The following GUCA1C variants were observed in gnomAD, a reference collection of about 807,000 sequenced individuals.
The protein encoded by GUCA1C is guanylyl cyclase-activating protein 3.
Under a neutral mutation model 16.2 loss-of-function variants are expected in GUCA1C, and 15 were observed. The ratio of observed to expected loss-of-function variants is 0.93; its 90% CI spans 0.62 to 1.43. The LOEUF is 1.43. Ranked by LOEUF, GUCA1C falls within the 40% of genes most tolerant of loss-of-function variation. GUCA1C has a pLI of 0.00. For missense variants in GUCA1C, 275 were observed against 244.8 expected, an observed-to-expected ratio of 1.12 and a Z score of -0.82; for synonymous variants, 78 against 85.4, an observed-to-expected ratio of 0.91 and a Z score of 0.48.
intron 3 of GUCA1C, among the ~76,000 whole-genome samples, chr3:108,912,840 T>G (rs1311956031): frequency 6.6e-6 from 1 of 152,118 alleles, no homozygotes; most frequent in Non-Finnish European, 1.5e-5. Flanking sequence ...TCACAGTTAT[T>G]TATAGAGCAC....
At chr3:108,910,413 G>A (rs1026405735) in intron 3 of GUCA1C, among the ~76,000 whole-genome samples, 3 of 151,408 alleles carry the variant, frequency 2.0e-5, no homozygotes, top group African/African-American at 4.9e-5. Flanking sequence ...CAGGAGATTC[G>A]CGTGAACCCG....
chr3:108,931,997 C>A (rs535414830), intron 1 of GUCA1C, among the ~76,000 whole-genome samples: 21 of 151,486 alleles, frequency 1.4e-4, no homozygotes, highest in African/African-American at 4.8e-4. Flanking sequence ...ACTACAGGCG[C>A]CCACCACCAC....
intron 1 of GUCA1C, among the ~76,000 whole-genome samples, chr3:108,946,658 G>A (rs1465915360): frequency 6.6e-6 from 1 of 152,034 alleles, no homozygotes; most frequent in African/African-American, 2.4e-5. Context: ...CCGGTTTATA[G>A]GTAATATGAA....
upstream of GUCA1C, among the ~76,000 whole-genome samples, chr3:108,954,230 G>T (rs561553186): frequency 6.6e-6 from 1 of 152,064 alleles, no homozygotes; most frequent in African/African-American, 2.4e-5. Flanking sequence ...AGTAATAAAA[G>T]TTTCTGCCTT....
intron 1 of GUCA1C, among the ~76,000 whole-genome samples, chr3:108,929,652 T>C (rs1313856153): frequency 6.6e-6 from 1 of 152,066 alleles, no homozygotes; most frequent in African/African-American, 2.4e-5. Context: ...TTACTTCTTA[T>C]GCCAAAGAAA....
intron 3 of GUCA1C, among the ~76,000 whole-genome samples, chr3:108,908,833 A>G (rs1946418509): frequency 6.6e-6 from 1 of 152,106 alleles, no homozygotes; most frequent in Non-Finnish European, 1.5e-5. Context: ...ATGTTTTTCT[A>G]CTACCTTCAC....
At chr3:108,926,782 T>A (rs1034803299) in intron 1 of GUCA1C, among the ~76,000 whole-genome samples, 13 of 135,238 alleles carry the variant, frequency 9.6e-5, no homozygotes, top group Non-Finnish European at 1.6e-4. Flanking sequence ...GCCCGGCCTG[T>A]TTTTTTTTTT....
intron 3 of GUCA1C, among the ~76,000 whole-genome samples, chr3:108,912,536 T>A (rs2107274068): frequency 6.6e-6 from 1 of 152,094 alleles, no homozygotes; most frequent in African/African-American, 2.4e-5. Flanking sequence ...CAATAATATG[T>A]CCTCATGATT....
intron 1 of GUCA1C, among the ~76,000 whole-genome samples, chr3:108,952,275 G>A (rs1453166786): frequency 6.6e-6 from 1 of 152,198 alleles, no homozygotes; most frequent in Non-Finnish European, 1.5e-5. Context: ...CATGCTTATA[G>A]TATCTGGAAC....
intron 1 of GUCA1C, among the ~76,000 whole-genome samples, chr3:108,937,659 A>G (rs1051074154): frequency 1.3e-5 from 2 of 152,250 alleles, no homozygotes; most frequent in African/African-American, 4.8e-5. Context: ...TGCTATCCAT[A>G]TAAGACCAGG....
chr3:108,942,188 T>C (rs906076341), intron 1 of GUCA1C, among the ~76,000 whole-genome samples: 15 of 152,326 alleles, frequency 9.8e-5, no homozygotes, highest in Admixed American at 2.0e-4. Context: ...ATAATATTGT[T>C]GTAAGGATTC....
Position 108,953,860 on chromosome 3 carries a change from T to C in GUCA1C, c.-98A>G. ...CTCACTAAAACTGAAGGCTAACATA[T>C]GCCCTCAGAAAGCTACTCTAAACCT... On this transcript the variant is annotated 5_prime_UTR_variant, in exon 1 of 4. Transcript: ENST00000261047. 3 of 780,982 alleles carry C rather than the reference T, an allele frequency of 3.8e-6. No homozygotes were observed. The highest frequency in any genetic ancestry group is 1.7e-5 in the African/African-American group (1 of 58,680). 48.4% of individuals were successfully genotyped at this position (780,982 alleles called of 1,614,324 possible).
intron 3 of GUCA1C, 137 bp downstream of exon 3, chr3:108,915,990 G>C: frequency 1.1e-6 from 1 of 877,566 alleles, no homozygotes; most frequent in South Asian, 1.8e-5. Flanking sequence ...GAGAACATTG[G>C]ATTGGTCCCA....
At chr3:108,950,011 T>C (rs985823099) in intron 1 of GUCA1C, among the ~76,000 whole-genome samples, 1 of 152,200 alleles carries the variant, frequency 6.6e-6, no homozygotes, top group Non-Finnish European at 1.5e-5. Flanking sequence ...TAAAACTTTG[T>C]ACCCTTTGAC....
chr3:108,921,673 T>G lies in GUCA1C; in HGVS notation c.205-1088A>C, dbSNP rs112946098. On this transcript the variant is annotated intron_variant, in intron 1 of 3. Coordinates refer to ENST00000261047, the MANE Select transcript of GUCA1C (RefSeq NM_005459.4). ...GTATCTCCTTGTTTTAACTTGCAAT[T>G]CCCTAATAATATATGATGTTGAACA... Among the ~76,000 whole-genome samples the G allele has an allele frequency of 1.0e-2, 1,521 of 152,296 alleles. 21 individuals are homozygous for G. Among genetic ancestry groups the G allele is most frequent in the African/African-American group, 0.032 (1,310 of 41,562 alleles).
chr3:108,939,324 C>CTTTTT lies in GUCA1C; in HGVS notation c.204+14230_204+14234dup, dbSNP rs549981150. Among the ~76,000 whole-genome samples, 92 of 32,912 alleles carry CTTTTT rather than the reference C, an allele frequency of 2.8e-3. 18 individuals are homozygous for CTTTTT. Among genetic ancestry groups the CTTTTT allele is most frequent in the African/African-American group, 6.3e-3 (56 of 8,944 alleles). The allele number at this position is 32,912 out of a possible 152,430, so 21.6% of individuals were successfully genotyped here. A position where few individuals can be genotyped will look rare whatever the true frequency, so the allele number is the denominator to read the frequency against. ...TGTTAATATATTACTTGCTTCAAGG[C>CTTTTT]TTTTTTTTTTTTTTTTTTTTTTTTT... On this transcript the variant is annotated intron_variant, in intron 1 of 3. Coordinates refer to ENST00000261047, the MANE Select transcript of GUCA1C (RefSeq NM_005459.4).
chr3:108,920,472 A>T lies in GUCA1C; in HGVS notation c.318T>A (p.Gly106=). 9 of 1,608,090 alleles carry T rather than the reference A, an allele frequency of 5.6e-6. No individual in the cohort carries two copies. Among genetic ancestry groups the T allele is most frequent in the Non-Finnish European group, 6.8e-6 (8 of 1,174,942 alleles). The part of the protein sequence containing the change: ...YFKLYDADGN[G]SIDKNELLDM... ...CCAGTAGTTCATTTTTGTCAATAGAACCATTTCCATCAGCATCATACAGCT... is the reference window on the plus strand; with the variant it reads ...CCAGTAGTTCATTTTTGTCAATAGATCCATTTCCATCAGCATCATACAGCT... The change falls in exon 2 of 4, where the codon GGT becomes GGA. Residue 106 remains glycine (G), a synonymous_variant. Coordinates refer to ENST00000261047, the MANE Select transcript of GUCA1C (RefSeq NM_005459.4).
upstream of GUCA1C, chr3:108,954,011 T>C (rs949056123): frequency 8.1e-6 from 4 of 491,072 alleles, no homozygotes; most frequent in African/African-American, 1.9e-5. Context: ...ACATAGTTTT[T>C]TGTGAAGGGA....
chr3:108,912,235 G>A (rs905466635), intron 3 of GUCA1C, among the ~76,000 whole-genome samples: 1 of 151,662 alleles, frequency 6.6e-6, no homozygotes, highest in Non-Finnish European at 1.5e-5. Flanking sequence ...GAGACTTACC[G>A]AGGCACTTTC....
Sources: gnomAD v4.1 joint callset for allele counts (sites outside exome capture counted in the v4.1 genomes callset) on GRCh38, gnomAD v4.1.1 for gene constraint, MANE v1.5 for transcripts, NCBI Gene and HGNC (gene_info 2026-07-23, HGNC 2026-07-21) for gene names.